Variants in RANBP17 observed in about 807,000 individuals in gnomAD.
The protein encoded by RANBP17 is RAN binding protein 17.
In RANBP17, 158 loss-of-function variants were observed where a neutral mutation model predicts 141.2. The ratio of observed to expected loss-of-function variants is 1.12; its 90% CI spans 0.98 to 1.28. The LOEUF (loss-of-function observed/expected upper bound fraction) is 1.28. RANBP17 is among the 50% of genes most tolerant of loss of function. RANBP17 has a pLI of 0.00. For missense variants in RANBP17, 1,438 were observed against 1,290.7 expected (o/e 1.11, Z -1.75); for synonymous variants, 430 against 450.0 (o/e 0.96, Z 0.56).
At position 171,298,888 on chromosome 5, in the gene RANBP17, C is replaced by A. The variant is rs756914469; in HGVS notation, c.*30C>A. On this transcript the variant is annotated 3_prime_UTR_variant, in exon 28 of 28. Transcript: ENST00000523189. ...ACTTTTCTGACCATGTGCGGAGCAG[C>A]CTTTATCAAGAGACTCCTGAAGGTC... 1.9e-6 allele frequency: 3 copies of A among 1,568,300 alleles called. No homozygotes were observed. In the East Asian group the frequency reaches 6.7e-5, roughly 35 times the overall value.
intron 14 of RANBP17, among the ~76,000 whole-genome samples, chr5:171,109,943 T>TA (rs963161226): frequency 3.3e-5 from 5 of 152,150 alleles, no homozygotes; most frequent in Non-Finnish European, 7.3e-5. Flanking sequence ...CCTTAAAAGT[T>TA]AAAAAGCAGG....
chr5:170,978,351 C>A (rs1196304312), intron 14 of RANBP17, among the ~76,000 whole-genome samples: 1 of 152,012 alleles, frequency 6.6e-6, no homozygotes, highest in Non-Finnish European at 1.5e-5. Context: ...CTCTTATTTA[C>A]CCAGAAGAAA....
At chr5:171,238,741 C>T (rs1194756318) in intron 22 of RANBP17, among the ~76,000 whole-genome samples, 2 of 151,648 alleles carry the variant, frequency 1.3e-5, no homozygotes, top group African/African-American at 4.8e-5. Context: ...AAGTACCTGG[C>T]TTTCTTAGAC....
At chr5:171,058,523 A>G (rs1222873631) in intron 14 of RANBP17, among the ~76,000 whole-genome samples, 22 of 151,928 alleles carry the variant, frequency 1.4e-4, no homozygotes, top group South Asian at 1.3e-3. Flanking sequence ...AGTATTCCAC[A>G]GTGTATATGT....
intron 12 of RANBP17, among the ~76,000 whole-genome samples, chr5:170,934,677 G>C (rs1014795445): frequency 6.6e-6 from 1 of 152,214 alleles, no homozygotes; most frequent in Admixed American, 6.5e-5. Context: ...GAGATCTGCT[G>C]TTAGTCTCAT....
intron 14 of RANBP17, among the ~76,000 whole-genome samples, chr5:170,972,948 T>C (rs1777099032): frequency 6.6e-6 from 1 of 152,226 alleles, no homozygotes; most frequent in South Asian, 2.1e-4. Context: ...TCGTTACTTA[T>C]AAAATGAATT....
intron 5 of RANBP17, among the ~76,000 whole-genome samples, chr5:170,898,265 AT>A (rs1770302730): frequency 6.6e-6 from 1 of 151,952 alleles, no homozygotes; most frequent in Non-Finnish European, 1.5e-5. Context: ...TTTGATTTGC[AT>A]TTCTCTAATG....
chr5:171,235,280 T>C (rs1264129005), intron 22 of RANBP17, among the ~76,000 whole-genome samples: 1 of 149,550 alleles, frequency 6.7e-6, no homozygotes, highest in African/African-American at 2.5e-5. Flanking sequence ...TTGAGCAATA[T>C]CTAGCAGGGG....
At chr5:171,286,774 C>T (rs1768196968) in intron 25 of RANBP17, among the ~76,000 whole-genome samples, 1 of 152,210 alleles carries the variant, frequency 6.6e-6, no homozygotes, top group Non-Finnish European at 1.5e-5. Context: ...CTTACTTCCA[C>T]AAACCCTGAA....
intron 5 of RANBP17, among the ~76,000 whole-genome samples, chr5:170,898,983 G>C (rs986450897): frequency 6.6e-6 from 1 of 152,130 alleles, no homozygotes; most frequent in Admixed American, 6.6e-5. Context: ...TTTTTGCTTA[G>C]GATTGTCTTG....
In RANBP17 at chr5:171,211,628, GTT is replaced by G. The variant is rs1226824979; in HGVS notation, c.2232-1982_2232-1981del. Among the ~76,000 whole-genome samples, 173 of 126,106 alleles carry G rather than the reference GTT, an allele frequency of 1.4e-3. 6 individuals carry two copies. In the South Asian group the frequency reaches 0.039, roughly 28 times the overall value. 82.7% of individuals were successfully genotyped at this position (126,106 alleles called of 152,430 possible). ...AGAATATAAATTCCATGAGGGCAGG[GTT>G]TTTTTTTTTTTTTTTTTTTTACTGG... is the stretch of plus-strand genomic sequence containing the variant. On this transcript the variant is annotated intron_variant, in intron 20 of 27. Coordinates refer to ENST00000523189, the MANE Select transcript of RANBP17 (RefSeq NM_022897.5).
rs188757528 is a variant in RANBP17 at position 171,083,530 on chromosome 5, C to G, written c.1711-86600C>G. The stretch of plus-strand genomic sequence containing the variant: ...TGAACTAAGACAATTACAGTTGACC[C>G]TTGAACAACACAAGTTTGAACTGTG... On this transcript the variant is annotated intron_variant, in intron 14 of 27. Transcript: ENST00000523189. Among the ~76,000 whole-genome samples, 382 of 152,306 alleles carry G rather than the reference C, an allele frequency of 2.5e-3. 4 individuals are homozygous for G. Among genetic ancestry groups the G allele is most frequent in the African/African-American group, 7.7e-3 (321 of 41,574 alleles).
intron 5 of RANBP17, chr5:170,903,947 A>G: frequency 1.9e-6 from 1 of 521,474 alleles, no homozygotes; most frequent in Non-Finnish European, 3.8e-6. Context: ...TATCAAGCCT[A>G]ACACCTCTAT....
chr5:170,993,095 C>A (rs1268083876), intron 14 of RANBP17, among the ~76,000 whole-genome samples: 2 of 151,974 alleles, frequency 1.3e-5, no homozygotes, highest in African/African-American at 2.4e-5. Flanking sequence ...CAGATCCTTT[C>A]TTTTATCTTA....
At chr5:171,091,878 G>T (rs62392979) in intron 14 of RANBP17, among the ~76,000 whole-genome samples, 3 of 151,938 alleles carry the variant, frequency 2.0e-5, no homozygotes, top group African/African-American at 7.3e-5. Flanking sequence ...TTTGTAAATC[G>T]CCCAGTCTTG....
chr5:171,172,530 C>T (rs1165052637), intron 16 of RANBP17, among the ~76,000 whole-genome samples: 1 of 149,466 alleles, frequency 6.7e-6, no homozygotes, highest in Non-Finnish European at 1.5e-5. Flanking sequence ...AAAAAAAAAA[C>T]TCAACCCATA....
At chr5:171,033,095 G>A (rs1781653639) in intron 14 of RANBP17, among the ~76,000 whole-genome samples, 1 of 125,128 alleles carries the variant, frequency 8.0e-6, no homozygotes, top group Admixed American at 1.1e-4. Flanking sequence ...TCTGTGGCCT[G>A]ATGCACTTTG....
At chr5:170,923,775 AAT>A (rs1166244507) in intron 11 of RANBP17, among the ~76,000 whole-genome samples, 1 of 152,012 alleles carries the variant, frequency 6.6e-6, no homozygotes, top group Non-Finnish European at 1.5e-5. Flanking sequence ...CTGTTTTTTA[AAT>A]TTGAATTTCT....
At chr5:171,035,079 TTATAAG>T (rs148461432) in intron 14 of RANBP17, among the ~76,000 whole-genome samples, 4,083 of 152,158 alleles carry the variant, frequency 0.027, 176 homozygotes, top group African/African-American at 0.092. Context: ...TAAAATGAAA[TTATAAG>T]TATAAGAAAT....
Sources: gnomAD v4.1 joint callset for allele counts (sites outside exome capture counted in the v4.1 genomes callset) on GRCh38, gnomAD v4.1.1 for gene constraint, MANE v1.5 for transcripts, NCBI Gene and HGNC (gene_info 2026-07-23, HGNC 2026-07-21) for gene names.